The following PSTPIP2 variants were observed in gnomAD, a reference collection of about 807,000 sequenced individuals.
The protein encoded by PSTPIP2 is proline-serine-threonine phosphatase-interacting protein 2.
PSTPIP2 carries 33 observed loss-of-function variants against 63.3 expected under a neutral mutation model. The ratio of observed to expected loss-of-function variants is 0.52; its 90% CI spans 0.40 to 0.70. The LOEUF is 0.70. Among genes scored for constraint, PSTPIP2 ranks in the 30% least tolerant of loss-of-function variants. The pLI, the probability that PSTPIP2 is intolerant of heterozygous loss-of-function variation, is 0.00. For synonymous variants in PSTPIP2, 125 were observed against 132.7 expected, an observed-to-expected ratio of 0.94 and a Z score of 0.40; for missense variants, 312 against 400.7, an observed-to-expected ratio of 0.78 and a Z score of 1.89.
In PSTPIP2 at chr18:46,025,937, T is replaced by C. The variant is rs149112790; in HGVS notation, c.135-1251A>G. ...GCCGAGCTAATTTTTGTATTTTTAG[T>C]GGAGACAAAGTTTCACCATGTTGGC... On this transcript the variant is annotated intron_variant, in intron 2 of 14. Transcript: ENST00000409746. 9.1e-3 allele frequency among the ~76,000 whole-genome samples: 1,379 copies of C among 152,262 alleles called. 21 individuals are homozygous for C. Among genetic ancestry groups the C allele is most frequent in the Non-Finnish European group, 1.0e-2 (677 of 68,030 alleles).
intron 3 of PSTPIP2, among the ~76,000 whole-genome samples, chr18:46,018,041 A>G (rs1954110852): frequency 6.6e-6 from 1 of 152,120 alleles, no homozygotes; most frequent in African/African-American, 2.4e-5. Flanking sequence ...TATTTATATA[A>G]GTTCTATCTG....
intron 3 of PSTPIP2, among the ~76,000 whole-genome samples, chr18:46,020,249 C>A (rs1426963747): frequency 1.3e-5 from 2 of 152,210 alleles, no homozygotes; most frequent in Non-Finnish European, 2.9e-5. Context: ...GGAAACTATT[C>A]TACAACTCTT....
intron 13 of PSTPIP2, 104 bp from the exon 14 acceptor site, chr18:45,988,863 T>C (rs964891247): frequency 3.2e-6 from 3 of 948,478 alleles, no homozygotes; most frequent in East Asian, 2.4e-5. Context: ...CTGGTGTCTA[T>C]CCTTTTGTAA....
At chr18:46,008,640 T>C (rs2051758989) in intron 5 of PSTPIP2, among the ~76,000 whole-genome samples, 1 of 152,018 alleles carries the variant, frequency 6.6e-6, no homozygotes, top group African/African-American at 2.4e-5. Flanking sequence ...AAGCATCGCC[T>C]CTGTAACCAC....
chr18:46,011,088 G>A (rs1166518126), intron 5 of PSTPIP2, 93 bp downstream of exon 5: 5 of 1,032,956 alleles, frequency 4.8e-6, no homozygotes, highest in South Asian at 2.6e-5. Context: ...ATTACATGAT[G>A]GTGGGAGCTG....
intron 6 of PSTPIP2, 150 bp downstream of exon 6, chr18:46,005,319 A>G: frequency 1.5e-6 from 1 of 653,070 alleles, no homozygotes; most frequent in Non-Finnish European, 2.5e-6. Context: ...AAGAAAACCC[A>G]AAGCATTTAA....
At chr18:46,053,717 G>A (rs568232155) in intron 1 of PSTPIP2, among the ~76,000 whole-genome samples, 7 of 152,138 alleles carry the variant, frequency 4.6e-5, no homozygotes, top group Non-Finnish European at 7.3e-5. Flanking sequence ...AATTGGAAGC[G>A]ACCAAGATCC....
chr18:45,988,567 C>A (rs1257475286), intron 14 of PSTPIP2, 135 bp downstream of exon 14: 5 of 700,660 alleles, frequency 7.1e-6, no homozygotes, highest in Non-Finnish European at 1.2e-5. Flanking sequence ...GAAGGGACAG[C>A]ATGCTGGCCA....
At chr18:46,032,337 A>G (rs751242699) in intron 2 of PSTPIP2, among the ~76,000 whole-genome samples, 1 of 152,144 alleles carries the variant, frequency 6.6e-6, no homozygotes, top group East Asian at 1.9e-4. Flanking sequence ...AGGCAATACC[A>G]CACCTCTTGC....
At chr18:46,062,388 C>T (rs560785120) in intron 1 of PSTPIP2, among the ~76,000 whole-genome samples, 1 of 152,140 alleles carries the variant, frequency 6.6e-6, no homozygotes, top group Admixed American at 6.5e-5. Context: ...TGCCTGTAAT[C>T]CCAGCACTTT....
At chr18:46,056,168 G>A (rs771327357) in intron 1 of PSTPIP2, among the ~76,000 whole-genome samples, 3 of 152,136 alleles carry the variant, frequency 2.0e-5, no homozygotes, top group African/African-American at 4.8e-5. Context: ...ATGTCCAGGT[G>A]GTCCCTCGGC....
intron 1 of PSTPIP2, among the ~76,000 whole-genome samples, chr18:46,040,868 T>C (rs1908166553): frequency 6.6e-6 from 1 of 152,162 alleles, no homozygotes. Flanking sequence ...CCTCTATGGA[T>C]CCTCTACTGA....
intron 3 of PSTPIP2, among the ~76,000 whole-genome samples, chr18:46,021,538 C>A (rs1045720417): frequency 2.0e-5 from 3 of 151,266 alleles, no homozygotes; most frequent in South Asian, 2.1e-4. Flanking sequence ...TTATATAGAG[C>A]CCTATAAATT....
At chr18:46,036,827 T>C (rs931025739) in intron 2 of PSTPIP2, among the ~76,000 whole-genome samples, 6 of 152,272 alleles carry the variant, frequency 3.9e-5, no homozygotes, top group African/African-American at 1.4e-4. Context: ...CTCTTCCCCT[T>C]GCCACTTTCT....
chr18:46,001,843 G>A (rs1306635459), intron 6 of PSTPIP2, among the ~76,000 whole-genome samples: 1 of 152,040 alleles, frequency 6.6e-6, no homozygotes, highest in East Asian at 1.9e-4. Context: ...AGCACATCAT[G>A]GAGAATGGGG....
chr18:46,055,487 A>G (rs1459140466), intron 1 of PSTPIP2, among the ~76,000 whole-genome samples: 1 of 152,092 alleles, frequency 6.6e-6, no homozygotes, highest in African/African-American at 2.4e-5. Context: ...TGCCCAGCTA[A>G]TATTTTGTAT....
At chr18:46,031,138 A>C (rs770274928) in intron 2 of PSTPIP2, among the ~76,000 whole-genome samples, 4 of 151,998 alleles carry the variant, frequency 2.6e-5, no homozygotes, top group Non-Finnish European at 5.9e-5. Flanking sequence ...CCTTTGGGTA[A>C]ATTTTCTACT....
intron 8 of PSTPIP2, 110 bp downstream of exon 8, chr18:45,998,684 C>T (rs1322159670): frequency 9.4e-7 from 1 of 1,066,966 alleles, no homozygotes; most frequent in Non-Finnish European, 1.4e-6. Context: ...TGCTGAATAT[C>T]CATATATTCT....
intron 6 of PSTPIP2, among the ~76,000 whole-genome samples, chr18:46,004,563 G>T (rs947552348): frequency 6.6e-6 from 1 of 151,972 alleles, no homozygotes; most frequent in Non-Finnish European, 1.5e-5. Flanking sequence ...ATAGTAACAG[G>T]GTAAAATTGC....
Sources: allele counts gnomAD v4.1 joint callset (sites outside exome capture counted in the v4.1 genomes callset), GRCh38; gene constraint gnomAD v4.1.1; transcripts MANE v1.5; gene names NCBI Gene and HGNC (gene_info 2026-07-23, HGNC 2026-07-21).